USH1C: variants seen among roughly 807,000 people sequenced by gnomAD.
The protein encoded by USH1C is USH1 protein network component harmonin, also known as harmonin.
USH1C carries 90 observed loss-of-function variants against 119.3 expected under a neutral mutation model. That is an observed-to-expected ratio of 0.75 (90% CI 0.64 to 0.90). The LOEUF (loss-of-function observed/expected upper bound fraction) is 0.90. Among genes scored for constraint, USH1C ranks in the 40% least tolerant of loss-of-function variants. The pLI, the probability that USH1C is intolerant of heterozygous loss-of-function variation, is 0.00. For missense variants in USH1C, 1,165 were observed against 1,167.7 expected (o/e 1.00, Z 0.03); for synonymous variants, 465 against 443.3 (o/e 1.05, Z -0.62).
intron 17 of USH1C, among the ~76,000 whole-genome samples, chr11:17,510,158 A>G (rs1051061511): frequency 6.6e-6 from 1 of 152,198 alleles, no homozygotes; most frequent in Non-Finnish European, 1.5e-5. Context: ...ATGCCAGGAC[A>G]ACAGGCCTAA....
intron 1 of USH1C, among the ~76,000 whole-genome samples, chr11:17,539,280 T>C (rs1368159033): frequency 6.6e-6 from 1 of 152,060 alleles, no homozygotes; most frequent in Non-Finnish European, 1.5e-5. Flanking sequence ...CCCTTTACCC[T>C]CCTGTCTCCC....
rs568827358 is a variant in USH1C at position 17,495,812 on chromosome 11, C to T, written c.2547-135G>A. On this transcript the variant is annotated intron_variant, in intron 25 of 26. Coordinates refer to ENST00000005226, the MANE Select transcript of USH1C (RefSeq NM_153676.4). ...CCCTGGGTTCCAGAATTAGGAGCTG[C>T]GAGACCCTGGTTTCTCCAAGACATG... 2.3e-4 allele frequency: 209 copies of T among 914,716 alleles called. 1 individual carries two copies. The African/African-American group carries it at 2.5e-3, about 11-fold the overall frequency. The allele number at this position is 914,716 out of a possible 1,614,324, so 56.7% of individuals were successfully genotyped here. A position where few individuals can be genotyped will look rare whatever the true frequency, so the allele number is the denominator to read the frequency against.
chr11:17,501,502 G>A lies in USH1C; in HGVS notation c.2260C>T (p.Arg754Trp), dbSNP rs143803480. 3.2e-5 allele frequency: 51 copies of A among 1,613,076 alleles called. No homozygotes were observed. In the African/African-American group the frequency reaches 4.9e-4, roughly 16 times the overall value. ...TPEQIMGKDV[R>W]LLRIKKEGSL... ...GGTACCTTCTTGATGCGTAGGAGCCGGACATCCTTCCCCATGATCTGCTCT... is the reference window on the plus strand; with the variant it reads ...GGTACCTTCTTGATGCGTAGGAGCCAGACATCCTTCCCCATGATCTGCTCT... The change falls in exon 22 of 27, where the codon CGG (arginine) becomes TGG (tryptophan). Residue 754 changes from arginine to tryptophan, a missense_variant. Arg to Trp is a moderately radical substitution (Grantham distance 101). Coordinates refer to ENST00000005226, the MANE Select transcript of USH1C (RefSeq NM_153676.4).
At chr11:17,527,640 G>C (rs1850769678) in intron 4 of USH1C, among the ~76,000 whole-genome samples, 1 of 152,176 alleles carries the variant, frequency 6.6e-6, no homozygotes, top group Admixed American at 6.5e-5. Context: ...CCTCACTCTA[G>C]TGCCCCTTTC....
chr11:17,542,399 G>A (rs1263447969), intron 1 of USH1C, among the ~76,000 whole-genome samples: 1 of 152,262 alleles, frequency 6.6e-6, no homozygotes, highest in East Asian at 1.9e-4. Context: ...GGAAGGCTGT[G>A]GCTGTCTCCA....
At chr11:17,499,436 A>G (rs1000527785) in intron 23 of USH1C, among the ~76,000 whole-genome samples, 1 of 152,172 alleles carries the variant, frequency 6.6e-6, no homozygotes, top group African/African-American at 2.4e-5. Context: ...TCACCTTTTC[A>G]TTTTGTACAA....
intron 11 of USH1C, 111 bp from the exon 12 acceptor site, chr11:17,523,037 C>A (rs540610167): frequency 5.1e-6 from 8 of 1,581,390 alleles, no homozygotes; most frequent in Non-Finnish European, 6.9e-6. Flanking sequence ...TCAGGCACTG[C>A]GGCTCCCGCA....
chr11:17,515,023 T>G (rs1850077378), intron 15 of USH1C, among the ~76,000 whole-genome samples: 1 of 151,788 alleles, frequency 6.6e-6, no homozygotes, highest in Non-Finnish European at 1.5e-5. Context: ...TCCTTTATTA[T>G]TTTTTTCAAG....
At chr11:17,517,490 A>T (rs929173113) in intron 14 of USH1C, 1 of 1,580,272 alleles carries the variant, frequency 6.3e-7, no homozygotes, top group African/African-American at 1.3e-5. Context: ...CAGGGAAAAG[A>T]GGAGGAAGCT....
chr11:17,523,038 G>A (rs907045494), intron 11 of USH1C, 112 bp from the exon 12 acceptor site: 12 of 1,584,328 alleles, frequency 7.6e-6, no homozygotes, highest in African/African-American at 4.0e-5. Context: ...CAGGCACTGC[G>A]GCTCCCGCAA....
At chr11:17,498,382 G>T in intron 23 of USH1C, 111 bp from the exon 24 acceptor site, 1 of 1,022,022 alleles carries the variant, frequency 9.8e-7, no homozygotes, top group Non-Finnish European at 1.6e-6. Context: ...CTGAGCCTGG[G>T]TTCTGAAAGC....
At chr11:17,529,698 C>T (rs570971695) in intron 4 of USH1C, among the ~76,000 whole-genome samples, 1 of 152,352 alleles carries the variant, frequency 6.6e-6, no homozygotes, top group South Asian at 2.1e-4. Flanking sequence ...CTGTGTGGAG[C>T]CCTGCAAAGG....
At position 17,496,560 on chromosome 11, in the gene USH1C, G is replaced by A. The variant is rs143346746; in HGVS notation, c.2546+198C>T. ...GAGAAGAATTTGGACAAGACTGCCC[G>A]GGAGGCAGCTCAGACACTGCTTAAG... is the stretch of plus-strand genomic sequence containing the variant. On this transcript the variant is annotated intron_variant, in intron 25 of 26. Coordinates refer to ENST00000005226, the MANE Select transcript of USH1C (RefSeq NM_153676.4). 2.8e-4 allele frequency among the ~76,000 whole-genome samples: 43 copies of A among 152,308 alleles called. No homozygotes were observed. In the East Asian group the frequency reaches 3.5e-3, roughly 12 times the overall value.
rs1851616339 is a variant in USH1C at position 17,544,415 on chromosome 11, C to A, written c.-108G>T. 4 of 1,530,838 alleles carry A rather than the reference C, an allele frequency of 2.6e-6. No individual in the cohort carries two copies. Among genetic ancestry groups the A allele is most frequent in the Admixed American group, 1.8e-5 (1 of 55,754 alleles). The allele number at this position is 1,530,838 out of a possible 1,614,324, so 94.8% of individuals were successfully genotyped here. On this transcript the variant is annotated 5_prime_UTR_variant, in exon 1 of 27. Transcript: ENST00000005226. ...GCGACCGGGCCAGCCGCCCTCGGAGCTGGGGGCGGGGCCTGAGCGCGGAGG... is the reference window on the plus strand; with the variant it reads ...GCGACCGGGCCAGCCGCCCTCGGAGATGGGGGCGGGGCCTGAGCGCGGAGG...
intron 23 of USH1C, among the ~76,000 whole-genome samples, chr11:17,500,599 C>T (rs145275458): frequency 2.0e-5 from 3 of 152,276 alleles, no homozygotes; most frequent in Non-Finnish European, 4.4e-5. Context: ...TCCTCTTCCT[C>T]GAAAGCCCTT....
At chr11:17,535,299 C>T (rs962471583) in intron 1 of USH1C, among the ~76,000 whole-genome samples, 3 of 152,060 alleles carry the variant, frequency 2.0e-5, no homozygotes, top group South Asian at 2.1e-4. Context: ...ACAGGCCGAA[C>T]GCTCTCCAGC....
chr11:17,520,736 C>A (rs1268876237), intron 14 of USH1C, 134 bp downstream of exon 14: 4 of 1,100,832 alleles, frequency 3.6e-6, no homozygotes, highest in Non-Finnish European at 5.5e-6. Context: ...CTCTGACCCA[C>A]AGCTGCCCCT....
At chr11:17,506,844 T>C (rs1849669018) in intron 18 of USH1C, among the ~76,000 whole-genome samples, 1 of 152,216 alleles carries the variant, frequency 6.6e-6, no homozygotes, top group African/African-American at 2.4e-5. Context: ...CTACTTTTCT[T>C]TGTTCCCCAC....
At chr11:17,517,988 G>A (rs539423546) in intron 14 of USH1C, among the ~76,000 whole-genome samples, 4 of 152,360 alleles carry the variant, frequency 2.6e-5, no homozygotes, top group Admixed American at 1.3e-4. Context: ...AGGGGTACAT[G>A]CAGTTAGGAA....
Sources: gnomAD v4.1 joint callset for allele counts (sites outside exome capture counted in the v4.1 genomes callset) on GRCh38, gnomAD v4.1.1 for gene constraint, MANE v1.5 for transcripts, NCBI Gene and HGNC (gene_info 2026-07-23, HGNC 2026-07-21) for gene names.